KANK1: variants seen among roughly 807,000 people sequenced by gnomAD.
KANK1 encodes KN motif and ankyrin repeat domain-containing protein 1.
Under a neutral mutation model 106.2 loss-of-function variants are expected in KANK1, and 109 were observed. The observed-to-expected ratio is 1.03, with a 90% CI of 0.88 to 1.20. The LOEUF is 1.20. Ranked by LOEUF, KANK1 falls within the 50% of genes most tolerant of loss-of-function variation. The pLI, the probability that KANK1 is intolerant of heterozygous loss-of-function variation, is 0.00. For missense variants in KANK1, 2,399 were observed against 1,710.7 expected (o/e 1.40, Z -7.10); for synonymous variants, 873 against 652.2 (o/e 1.34, Z -5.16).
chr9:508,929 A>G (rs2058902710), intron 1 of KANK1, among the ~76,000 whole-genome samples: 1 of 152,180 alleles, frequency 6.6e-6, no homozygotes, highest in South Asian at 2.1e-4. Flanking sequence ...CAGAAGTAGA[A>G]TTTCCCAGTT....
intron 1 of KANK1, among the ~76,000 whole-genome samples, chr9:642,317 G>A (rs1287124240): frequency 6.6e-6 from 1 of 150,784 alleles, no homozygotes; most frequent in African/African-American, 2.5e-5. Flanking sequence ...ATAGCGGAAG[G>A]GAATAACCTT....
chr9:631,360 CAT>C (rs1476476081), intron 1 of KANK1, among the ~76,000 whole-genome samples: 2 of 152,180 alleles, frequency 1.3e-5, no homozygotes, highest in Non-Finnish European at 2.9e-5. Flanking sequence ...AGGAAAATTT[CAT>C]AGTCTCCTTG....
chr9:670,789 A>G (rs542195167), intron 1 of KANK1, among the ~76,000 whole-genome samples: 1 of 152,212 alleles, frequency 6.6e-6, no homozygotes, highest in East Asian at 1.9e-4. Flanking sequence ...GTCTCCTGCC[A>G]AAGAAGCCAA....
chr9:529,033 A>G (rs1029352307), intron 1 of KANK1, among the ~76,000 whole-genome samples: 2 of 152,014 alleles, frequency 1.3e-5, no homozygotes, highest in Non-Finnish European at 2.9e-5. Context: ...TCCTGGACTC[A>G]AGTGATCCTC....
chr9:615,089 G>A (rs1181987231), intron 1 of KANK1, among the ~76,000 whole-genome samples: 5 of 151,820 alleles, frequency 3.3e-5, no homozygotes, highest in Non-Finnish European at 5.9e-5. Flanking sequence ...AAAGGTGTGC[G>A]CCACCATACC....
At chr9:493,780 CAG>C (rs2058415566) in intron 3 of KANK1, among the ~76,000 whole-genome samples, 1 of 152,062 alleles carries the variant, frequency 6.6e-6, no homozygotes. Flanking sequence ...CTCCTGACCT[CAG>C]GTGATCTGCC....
At position 711,708 on chromosome 9, in the gene KANK1, C is replaced by T; in HGVS notation, c.942C>T (p.Ile314=). Residue 314 remains isoleucine, a synonymous_variant, in exon 3 of 12, where the codon ATC becomes ATT. Transcript: ENST00000382297. Reference sequence around the variant, plus strand: ...AAAACCAAAGGGCTGCATCCCAGATCAATGTCTGTGGTGTGAGGAAGCGGT... The same window carrying T: ...AAAACCAAAGGGCTGCATCCCAGATTAATGTCTGTGGTGTGAGGAAGCGGT... ...QLKNQRAASQ[I]NVCGVRKRSY... The T allele has an allele frequency of 1.2e-6, 2 of 1,614,222 alleles. No individual in the cohort carries two copies. Among genetic ancestry groups the T allele is most frequent in the Admixed American group, 1.7e-5 (1 of 60,024 alleles).
At chr9:629,456 C>G (rs1835151955) in intron 1 of KANK1, among the ~76,000 whole-genome samples, 1 of 152,158 alleles carries the variant, frequency 6.6e-6, no homozygotes, top group Admixed American at 6.5e-5. Context: ...GAGAAACAAG[C>G]CATAAAAGTA....
At chr9:572,343 G>C (rs1338239848) in intron 1 of KANK1, among the ~76,000 whole-genome samples, 2 of 151,680 alleles carry the variant, frequency 1.3e-5, no homozygotes, top group African/African-American at 2.4e-5. Context: ...GAGGTCAAGA[G>C]ATCGAGACCA....
Position 542,037 on chromosome 9 carries a change from C to T in KANK1, c.-84+37283C>T, listed in dbSNP as rs960665852. On this transcript the variant is annotated intron_variant, in intron 1 of 11. Coordinates refer to ENST00000382297, the MANE Select transcript of KANK1 (RefSeq NM_015158.5). ...CCGGGAGGCGGAGCTTGCAGTGAGC[C>T]GAGATCGCGCCACTGCACTCCAGCC... 2.0e-5 allele frequency among the ~76,000 whole-genome samples: 3 copies of T among 151,392 alleles called. No individual in the cohort carries two copies. The South Asian group carries it at 6.3e-4, about 32-fold the overall frequency.
chr9:566,800 TTGTC>T lies in KANK1; in HGVS notation c.-84+62050_-84+62053del, dbSNP rs749833482. On this transcript the variant is annotated intron_variant, in intron 1 of 11. Coordinates refer to ENST00000382297, the MANE Select transcript of KANK1 (RefSeq NM_015158.5). ...CCAAAATTTTCTCCCATTCTGTAGG[TTGTC>T]TGTTTACTTTGTTGATAGTTTCTTT... Among the ~76,000 whole-genome samples the T allele has an allele frequency of 5.3e-5, 8 of 152,308 alleles. No individual in the cohort carries two copies. In the South Asian group the frequency reaches 1.7e-3, roughly 32 times the overall value.
chr9:487,645 T>A (rs1231911570), intron 3 of KANK1: 1 of 152,176 alleles, frequency 6.6e-6, no homozygotes, highest in African/African-American at 2.4e-5. Context: ...TTAAAATCAA[T>A]GAGTCATCAA....
intron 5 of KANK1, 37 bp downstream of exon 5, chr9:731,303 C>A (rs748578943): frequency 8.0e-7 from 1 of 1,257,772 alleles, no homozygotes; most frequent in South Asian, 1.2e-5. Flanking sequence ...CTAATGCTGT[C>A]AGTCTCCTTT....
At chr9:598,615 G>GTTTTTTTTTTTTTTTTTTTTTTTT (rs1306483082) in intron 1 of KANK1, among the ~76,000 whole-genome samples, 2 of 73,332 alleles carry the variant, frequency 2.7e-5, no homozygotes, top group East Asian at 4.3e-4. Flanking sequence ...TGTTTTGTTG[G>GTTTTTTTTTTTTTTTTTTTTTTTT]TTTTCTTTTT....
intron 1 of KANK1, among the ~76,000 whole-genome samples, chr9:671,247 G>A (rs1446503150): frequency 1.3e-5 from 2 of 149,748 alleles, no homozygotes; most frequent in African/African-American, 4.9e-5. Context: ...TTTGTTTTTT[G>A]TTTTTCAGTT....
At chr9:605,211 G>C (rs186605518) in intron 1 of KANK1, among the ~76,000 whole-genome samples, 13 of 146,906 alleles carry the variant, frequency 8.8e-5, no homozygotes, top group African/African-American at 3.3e-4. Flanking sequence ...TGAGGCAGGA[G>C]AATCACTTGA....
At chr9:527,848 C>G (rs760218477) in intron 1 of KANK1, among the ~76,000 whole-genome samples, 2 of 151,186 alleles carry the variant, frequency 1.3e-5, no homozygotes, top group Non-Finnish European at 1.5e-5. Flanking sequence ...CCCCTCACTT[C>G]TCTTTAAAAG....
At chr9:721,999 G>T (rs555804734) in intron 3 of KANK1, among the ~76,000 whole-genome samples, 48 of 152,308 alleles carry the variant, frequency 3.2e-4, no homozygotes, top group African/African-American at 1.1e-3. Flanking sequence ...GAAACCCAAG[G>T]GGGTGGGGAC....
intron 1 of KANK1, among the ~76,000 whole-genome samples, chr9:634,374 G>A (rs538659044): frequency 5.9e-5 from 9 of 152,156 alleles, no homozygotes; most frequent in South Asian, 2.1e-4. Context: ...CCTGGCTCCC[G>A]GTGGGGTCAC....
Sources: allele counts gnomAD v4.1 joint callset (sites outside exome capture counted in the v4.1 genomes callset), GRCh38; gene constraint gnomAD v4.1.1; transcripts MANE v1.5; gene names NCBI Gene and HGNC (gene_info 2026-07-23, HGNC 2026-07-21).